The following ISM1 variants were observed in gnomAD, a reference collection of about 807,000 sequenced individuals.
ISM1 encodes isthmin 1.
ISM1 carries 25 observed loss-of-function variants against 46.3 expected under a neutral mutation model. The ratio of observed to expected loss-of-function variants is 0.54; its 90% CI spans 0.39 to 0.75. The LOEUF (loss-of-function observed/expected upper bound fraction) is 0.75. ISM1 is among the 30% of genes least tolerant of loss of function. ISM1 has a pLI of 0.00. For synonymous variants in ISM1, 255 were observed against 256.7 expected (o/e 0.99, Z 0.06); for missense variants, 536 against 625.4 (o/e 0.86, Z 1.52).
At chr20:13,256,710 C>G (rs1600514532) in intron 1 of ISM1, among the ~76,000 whole-genome samples, 1 of 152,196 alleles carries the variant, frequency 6.6e-6, no homozygotes, top group East Asian at 1.9e-4. Context: ...GAGGTATTCA[C>G]TCTCCCCGAC....
intron 3 of ISM1, among the ~76,000 whole-genome samples, chr20:13,283,085 G>T (rs910830743): frequency 3.1e-4 from 47 of 151,994 alleles, no homozygotes; most frequent in Admixed American, 2.6e-3. Flanking sequence ...CTGTTGCCCA[G>T]GCTGGAGTGC....
intron 1 of ISM1, chr20:13,244,421 A>C (rs1280251888): frequency 1.3e-5 from 2 of 151,874 alleles, no homozygotes; most frequent in Non-Finnish European, 2.9e-5. Flanking sequence ...GCTAATGAAA[A>C]TATATAGTGG....
At position 13,270,717 on chromosome 20, in the gene ISM1, A is replaced by T; in HGVS notation, c.352A>T (p.Ile118Phe). ...PNFPDLSKAD[I>F]NGQNPNIQVT... ...CTTTCCAGATCTTTCCAAAGCTGAT[A>T]TCAATGGGCAGAATCCAAATATCCA... The change falls in exon 2 of 6, where the codon ATC becomes TTC. Residue 118 changes from isoleucine to phenylalanine, a missense_variant. Transcript: ENST00000262487. 1 of 1,613,914 alleles carries T rather than the reference A, an allele frequency of 6.2e-7. No homozygotes were observed. Among genetic ancestry groups the T allele is most frequent in the Non-Finnish European group, 8.5e-7 (1 of 1,179,838 alleles).
rs142126296 is a variant in ISM1 at position 13,278,746 on chromosome 20, C to T, written c.379-888C>T. On this transcript the variant is annotated intron_variant, in intron 2 of 5. Transcript: ENST00000262487. Reference sequence around the variant, plus strand: ...TTTGACTGGGACTCAGCTGGGAGAGCTTGTCTCTGCTCCATGTGATGTTGG... The same window carrying T: ...TTTGACTGGGACTCAGCTGGGAGAGTTTGTCTCTGCTCCATGTGATGTTGG... 2.7e-3 allele frequency among the ~76,000 whole-genome samples: 415 copies of T among 152,272 alleles called. 4 individuals are homozygous for T. Among genetic ancestry groups the T allele is most frequent in the African/African-American group, 8.8e-3 (364 of 41,548 alleles).
At chr20:13,289,992 G>A (rs2040335654) in intron 4 of ISM1, among the ~76,000 whole-genome samples, 1 of 152,136 alleles carries the variant, frequency 6.6e-6, no homozygotes, top group South Asian at 2.1e-4. Flanking sequence ...AAGGAGAAAT[G>A]AAAGCACAAA....
At chr20:13,273,056 C>T (rs941703030) in intron 2 of ISM1, among the ~76,000 whole-genome samples, 1 of 152,098 alleles carries the variant, frequency 6.6e-6, no homozygotes, top group Admixed American at 6.5e-5. Context: ...TGCGGGAGAA[C>T]GGAAGGCTGC....
intron 1 of ISM1, among the ~76,000 whole-genome samples, chr20:13,225,882 A>G (rs1236527882): frequency 6.6e-6 from 1 of 152,200 alleles, no homozygotes; most frequent in African/African-American, 2.4e-5. Context: ...ATAGATATGG[A>G]TATAGATATA....
chr20:13,308,978 A>G, the ISM1 span, among the ~76,000 whole-genome samples: 24 of 152,288 alleles, frequency 1.6e-4, no homozygotes, highest in Non-Finnish European at 3.4e-4. Context: ...TAGCACCTTG[A>G]TCTCAGACTT....
chr20:13,255,768 T>C (rs1327020971), intron 1 of ISM1, among the ~76,000 whole-genome samples: 1 of 152,180 alleles, frequency 6.6e-6, no homozygotes. Flanking sequence ...CTTTGCACCA[T>C]GCACAAATTG....
chr20:13,309,812 A>T, the ISM1 span, among the ~76,000 whole-genome samples: 1 of 151,922 alleles, frequency 6.6e-6, no homozygotes, highest in East Asian at 1.9e-4. Flanking sequence ...AAACTATCCA[A>T]AAAAGAAATC....
At chr20:13,319,645 G>A in the ISM1 span, among the ~76,000 whole-genome samples, 1 of 152,214 alleles carries the variant, frequency 6.6e-6, no homozygotes, top group South Asian at 2.1e-4. Flanking sequence ...TTGGTTTCCA[G>A]AGTTCTAAGG....
rs954343446 is a variant in ISM1 at position 13,300,341 on chromosome 20, G to A, written c.*882G>A. ...ACAAATGGGAAAAAGATAATGGACC[G>A]CATTTCACCTATTTTAATACTATTT... On this transcript the variant is annotated 3_prime_UTR_variant, in exon 6 of 6. Coordinates refer to ENST00000262487, the MANE Select transcript of ISM1 (RefSeq NM_080826.2). 4.0e-5 allele frequency: 6 copies of A among 151,702 alleles called. No individual in the cohort carries two copies. Among genetic ancestry groups the A allele is most frequent in the Admixed American group, 2.0e-4 (3 of 15,220 alleles). The allele number at this position is 151,702 out of a possible 1,614,324, so 9.4% of individuals were successfully genotyped here. A position where few individuals can be genotyped will look rare whatever the true frequency, so the allele number is the denominator to read the frequency against.
rs140506589 is a variant in ISM1, at chr20:13,273,717, A to C, written c.378+2974A>C. 5.5e-3 allele frequency among the ~76,000 whole-genome samples: 834 copies of C among 152,326 alleles called. 6 individuals carry two copies. Among genetic ancestry groups the C allele is most frequent in the African/African-American group, 0.019 (779 of 41,582 alleles). ...GAATGTTATTGGCCAAATGGATTAA[A>C]AATTAATGCGGCTCCAGCCTAGCTA... On this transcript the variant is annotated intron_variant, in intron 2 of 5. Transcript: ENST00000262487.
At chr20:13,248,316 T>G (rs1414200758) in intron 1 of ISM1, among the ~76,000 whole-genome samples, 1 of 152,216 alleles carries the variant, frequency 6.6e-6, no homozygotes, top group South Asian at 2.1e-4. Flanking sequence ...GAGTATGAAC[T>G]GCATTGCTGG....
chr20:13,247,900 G>T (rs1000393581), intron 1 of ISM1, among the ~76,000 whole-genome samples: 3 of 152,150 alleles, frequency 2.0e-5, no homozygotes, highest in Admixed American at 2.0e-4. Flanking sequence ...TCTAACCACA[G>T]TGCAAAAGTG....
rs777651612 is a variant in ISM1, at chr20:13,298,936, T to C, written c.878-6T>C. The C allele has an allele frequency of 6.2e-7, 1 of 1,612,290 alleles. No homozygotes were observed. The highest frequency in any genetic ancestry group is 8.5e-7 in the Non-Finnish European group (1 of 1,178,952). The stretch of plus-strand genomic sequence containing the variant: ...GGTGAGAGGGTTTCTCTTTGGCCTT[T>C]TCCAGACACAGACAGCTGTGAGCGC... On this transcript the variant is annotated splice_polypyrimidine_tract_variant and splice_region_variant and intron_variant, in intron 5 of 5. Coordinates refer to ENST00000262487, the MANE Select transcript of ISM1 (RefSeq NM_080826.2).
intron 1 of ISM1, among the ~76,000 whole-genome samples, chr20:13,253,288 G>A (rs1057364047): frequency 2.0e-5 from 3 of 152,160 alleles, no homozygotes; most frequent in Non-Finnish European, 2.9e-5. Flanking sequence ...GGACCCAGAG[G>A]GTGAGGAGCT....
At chr20:13,232,488 T>G (rs2039600133) in intron 1 of ISM1, among the ~76,000 whole-genome samples, 1 of 152,250 alleles carries the variant, frequency 6.6e-6, no homozygotes, top group African/African-American at 2.4e-5. Flanking sequence ...TCCTTTTTAT[T>G]ACCAATTAAT....
At chr20:13,293,503 CTT>C (rs907487312) in intron 5 of ISM1, among the ~76,000 whole-genome samples, 1 of 146,552 alleles carries the variant, frequency 6.8e-6, no homozygotes, top group Non-Finnish European at 1.5e-5. Context: ...AGTCCTGAGT[CTT>C]TTTTTTTTTC....
Sources: gnomAD v4.1 joint callset for allele counts (sites outside exome capture counted in the v4.1 genomes callset) on GRCh38, gnomAD v4.1.1 for gene constraint, MANE v1.5 for transcripts, NCBI Gene and HGNC (gene_info 2026-07-23, HGNC 2026-07-21) for gene names.